ST6GALNAC3: variants seen among roughly 807,000 people sequenced by gnomAD.
The protein encoded by ST6GALNAC3 is alpha-N-acetylgalactosaminide alpha-2,6-sialyltransferase 3.
ST6GALNAC3 carries 25 observed loss-of-function variants against 32.7 expected under a neutral mutation model. That is an observed-to-expected ratio of 0.76 (90% CI 0.56 to 1.07). The LOEUF (loss-of-function observed/expected upper bound fraction) is 1.07, where lower values mean the gene tolerates loss of function less well. Ranked by LOEUF, ST6GALNAC3 falls within the 50% of genes least tolerant of loss-of-function variation. The pLI is 0.00. For synonymous variants in ST6GALNAC3, 129 were observed against 133.1 expected (o/e 0.97, Z 0.21); for missense variants, 355 against 382.4 (o/e 0.93, Z 0.60).
At chr1:76,491,008 G>A (rs1019408648) in intron 3 of ST6GALNAC3, among the ~76,000 whole-genome samples, 3 of 151,736 alleles carry the variant, frequency 2.0e-5, no homozygotes, top group African/African-American at 7.3e-5. Context: ...ACGGACATGC[G>A]CCACCACGCC....
rs530015877 is a variant in ST6GALNAC3, at chr1:76,341,747, T to A, written c.213+27748T>A. On this transcript the variant is annotated intron_variant, in intron 2 of 4. Coordinates refer to ENST00000328299, the MANE Select transcript of ST6GALNAC3 (RefSeq NM_152996.4). ...AATTATACTTTAAGTTCTGGGATAC[T>A]TGTACAGAATGTGCAGGTTTGTTAC... is the stretch of plus-strand genomic sequence containing the variant. Among the ~76,000 whole-genome samples the A allele has an allele frequency of 1.0e-3, 154 of 149,604 alleles. 1 individual carries two copies. The highest frequency in any genetic ancestry group is 3.7e-3 in the African/African-American group (148 of 39,634).
At chr1:76,338,146 G>T (rs1199137666) in intron 2 of ST6GALNAC3, among the ~76,000 whole-genome samples, 1 of 152,150 alleles carries the variant, frequency 6.6e-6, no homozygotes, top group Non-Finnish European at 1.5e-5. Flanking sequence ...GGACTGCTTT[G>T]CAAAGCATAG....
intron 2 of ST6GALNAC3, among the ~76,000 whole-genome samples, chr1:76,386,901 A>G (rs4515842): frequency 0.99 from 150,162 of 152,258 alleles, 74,089 homozygotes; most frequent in Middle Eastern, 1. Context: ...AGAGTTCTAA[A>G]AAGTTAAACA....
chr1:76,504,229 A>G (rs571254272), intron 3 of ST6GALNAC3, among the ~76,000 whole-genome samples: 1 of 152,286 alleles, frequency 6.6e-6, no homozygotes, highest in Non-Finnish European at 1.5e-5. Flanking sequence ...CTTGGCATAA[A>G]GCAGTGTAAC....
chr1:76,355,742 A>G (rs954784031), intron 2 of ST6GALNAC3, among the ~76,000 whole-genome samples: 3 of 152,174 alleles, frequency 2.0e-5, no homozygotes, highest in Non-Finnish European at 4.4e-5. Context: ...CCTTTAAACT[A>G]CAAGATTATT....
At chr1:76,605,550 AAAAC>A (rs1210038275) in intron 3 of ST6GALNAC3, among the ~76,000 whole-genome samples, 7 of 152,020 alleles carry the variant, frequency 4.6e-5, no homozygotes, top group East Asian at 1.9e-4. Flanking sequence ...ACAAGAAAAA[AAAAC>A]AAACAACCCC....
chr1:76,530,604 C>G (rs560117119), intron 3 of ST6GALNAC3, among the ~76,000 whole-genome samples: 26 of 152,266 alleles, frequency 1.7e-4, no homozygotes, highest in Non-Finnish European at 3.2e-4. Flanking sequence ...TTGATTTGGT[C>G]AGATAGCACA....
intron 1 of ST6GALNAC3, among the ~76,000 whole-genome samples, chr1:76,206,849 G>A (rs1654854126): frequency 6.6e-6 from 1 of 152,088 alleles, no homozygotes; most frequent in Non-Finnish European, 1.5e-5. Flanking sequence ...ATAACTTCCA[G>A]CAAAACAACT....
chr1:76,358,068 A>G (rs1649630275), intron 2 of ST6GALNAC3, among the ~76,000 whole-genome samples: 1 of 152,108 alleles, frequency 6.6e-6, no homozygotes, highest in Admixed American at 6.5e-5. Flanking sequence ...CTTTTTTTAA[A>G]AAACCATTTT....
chr1:76,473,084 C>T (rs1659138045), intron 3 of ST6GALNAC3, among the ~76,000 whole-genome samples: 2 of 151,914 alleles, frequency 1.3e-5, no homozygotes, highest in Admixed American at 1.3e-4. Flanking sequence ...GGAGGAAAGG[C>T]TAAGAATGCA....
chr1:76,321,821 G>A (rs1202689868), intron 2 of ST6GALNAC3, among the ~76,000 whole-genome samples: 1 of 152,204 alleles, frequency 6.6e-6, no homozygotes, highest in Admixed American at 6.5e-5. Context: ...TACCTGAATT[G>A]CTAGTCGTAC....
intron 2 of ST6GALNAC3, among the ~76,000 whole-genome samples, chr1:76,375,641 C>T (rs1275389761): frequency 2.0e-5 from 3 of 151,972 alleles, no homozygotes; most frequent in Non-Finnish European, 4.4e-5. Context: ...GGGGTTGACT[C>T]GGTTAGAAAA....
intron 1 of ST6GALNAC3, among the ~76,000 whole-genome samples, chr1:76,137,549 T>C (rs752614307): frequency 4.6e-5 from 7 of 152,180 alleles, no homozygotes; most frequent in Non-Finnish European, 1.0e-4. Flanking sequence ...AAATTTCAAG[T>C]AGGGAATCTT....
chr1:76,155,927 C>G (rs999865489), intron 1 of ST6GALNAC3, among the ~76,000 whole-genome samples: 2 of 152,008 alleles, frequency 1.3e-5, no homozygotes, highest in South Asian at 4.2e-4. Flanking sequence ...ACCTAGTGTC[C>G]TTTTTCTGCT....
chr1:76,399,337 A>G (rs1405759557), intron 2 of ST6GALNAC3, among the ~76,000 whole-genome samples: 1 of 152,110 alleles, frequency 6.6e-6, no homozygotes, highest in African/African-American at 2.4e-5. Context: ...TTTTCAATTC[A>G]CCTAGAACTG....
intron 2 of ST6GALNAC3, among the ~76,000 whole-genome samples, chr1:76,395,960 C>T (rs757478999): frequency 4.6e-5 from 7 of 152,082 alleles, no homozygotes; most frequent in Non-Finnish European, 8.8e-5. Context: ...TAGCTAGAAG[C>T]GAGGACATGA....
chr1:76,518,023 A>G (rs1662278424), intron 3 of ST6GALNAC3, among the ~76,000 whole-genome samples: 1 of 152,024 alleles, frequency 6.6e-6, no homozygotes, highest in Non-Finnish European at 1.5e-5. Flanking sequence ...TTTGTTGGAT[A>G]TAACTTTTAA....
intron 2 of ST6GALNAC3, among the ~76,000 whole-genome samples, chr1:76,394,812 G>A (rs1311343886): frequency 6.6e-6 from 1 of 152,112 alleles, no homozygotes; most frequent in African/African-American, 2.4e-5. Context: ...ACAGATAGGA[G>A]CCCTGGTGTG....
intron 3 of ST6GALNAC3, among the ~76,000 whole-genome samples, chr1:76,603,333 AG>A (rs1230509274): frequency 6.6e-6 from 1 of 152,244 alleles, no homozygotes; most frequent in Non-Finnish European, 1.5e-5. Context: ...CATTGACAGA[AG>A]GGTGGCTAAA....
Sources: allele counts gnomAD v4.1 joint callset (sites outside exome capture counted in the v4.1 genomes callset), GRCh38; gene constraint gnomAD v4.1.1; transcripts MANE v1.5; gene names NCBI Gene and HGNC (gene_info 2026-07-23, HGNC 2026-07-21).